Variants in GNA14 observed in about 807,000 individuals in gnomAD.
GNA14 encodes G protein subunit alpha 14.
A neutral mutation model predicts 42.0 loss-of-function variants in GNA14; 50 were observed. The ratio of observed to expected loss-of-function variants is 1.19; its 90% confidence interval spans 0.95 to 1.51. GNA14 has a LOEUF of 1.51. Ranked by LOEUF, GNA14 falls within the 40% of genes most tolerant of loss-of-function variation. The pLI is 0.00. For missense variants in GNA14, 473 were observed against 446.2 expected (o/e 1.06, Z -0.54); for synonymous variants, 173 against 163.1 (o/e 1.06, Z -0.46).
intron 1 of GNA14, among the ~76,000 whole-genome samples, chr9:77,587,719 A>G (rs1454622146): frequency 6.6e-6 from 1 of 152,212 alleles, no homozygotes; most frequent in Non-Finnish European, 1.5e-5. Context: ...GAGTGTTTGC[A>G]TAGTACTGTG....
At chr9:77,594,151 G>A (rs78799145) in intron 1 of GNA14, among the ~76,000 whole-genome samples, 9,688 of 152,280 alleles carry the variant, frequency 0.064, 487 homozygotes, top group South Asian at 0.19. Flanking sequence ...CAGTTACAGG[G>A]ATAAGGAAAT....
Position 77,433,360 on chromosome 9 carries a change from C to T in GNA14, c.464+1008G>A, listed in dbSNP as rs1053279598. On this transcript the variant is annotated intron_variant, in intron 3 of 6. Coordinates refer to ENST00000341700, the MANE Select transcript of GNA14 (RefSeq NM_004297.4). ...TGACCAGACTGAGGAGGCATTGCCC[C>T]GGGATATTATTATTTATTTATTTAT... 2.6e-4 allele frequency among the ~76,000 whole-genome samples: 39 copies of T among 151,898 alleles called. 1 individual carries two copies. The highest frequency in any genetic ancestry group is 2.1e-3 in the Admixed American group (32 of 15,250).
chr9:77,482,903 CA>C (rs1431393167), intron 2 of GNA14, among the ~76,000 whole-genome samples: 1 of 152,232 alleles, frequency 6.6e-6, no homozygotes, highest in Admixed American at 6.5e-5. Flanking sequence ...CTTTCAGCTC[CA>C]TCAGGTCCTT....
intron 1 of GNA14, among the ~76,000 whole-genome samples, chr9:77,592,059 C>T (rs557724484): frequency 3.3e-5 from 5 of 152,034 alleles, no homozygotes; most frequent in South Asian, 2.1e-4. Flanking sequence ...GGACTACAGG[C>T]GCCCACCACC....
chr9:77,529,339 T>TTGGGATGTGGATTAATA, intron 1 of GNA14, 86 bp from the exon 2 acceptor site: 3 of 1,009,006 alleles, frequency 3.0e-6, no homozygotes, highest in Non-Finnish European at 4.7e-6. Flanking sequence ...GCAGTATTAA[T>TTGGGATGTGGATTAATA]CCACATCCCA....
intron 1 of GNA14, among the ~76,000 whole-genome samples, chr9:77,549,943 C>T (rs1460436977): frequency 6.6e-6 from 1 of 152,184 alleles, no homozygotes; most frequent in Non-Finnish European, 1.5e-5. Flanking sequence ...CATGGGCCCT[C>T]CCCAGTCCAT....
chr9:77,567,653 G>A (rs13293415), intron 1 of GNA14, among the ~76,000 whole-genome samples: 3 of 152,132 alleles, frequency 2.0e-5, no homozygotes, highest in Admixed American at 2.0e-4. Context: ...GATCACCTGA[G>A]GTCAGGAGTT....
chr9:77,446,304 A>G (rs1257402569), intron 2 of GNA14, among the ~76,000 whole-genome samples: 1 of 152,248 alleles, frequency 6.6e-6, no homozygotes, highest in Non-Finnish European at 1.5e-5. Flanking sequence ...TAATTCAACA[A>G]AACACCAGCA....
intron 2 of GNA14, among the ~76,000 whole-genome samples, chr9:77,476,517 G>A (rs142640603): frequency 6.6e-6 from 1 of 152,256 alleles, no homozygotes; most frequent in African/African-American, 2.4e-5. Flanking sequence ...AGAAACATTT[G>A]CTGTATAATT....
At chr9:77,569,038 C>T (rs1016897562) in intron 1 of GNA14, among the ~76,000 whole-genome samples, 1 of 152,120 alleles carries the variant, frequency 6.6e-6, no homozygotes, top group African/African-American at 2.4e-5. Context: ...TTCTATTTAG[C>T]CCAGCTTTGA....
intron 1 of GNA14, among the ~76,000 whole-genome samples, chr9:77,557,297 GT>G (rs1216289420): frequency 6.6e-6 from 1 of 152,218 alleles, no homozygotes; most frequent in Non-Finnish European, 1.5e-5. Flanking sequence ...AGCTGACTCC[GT>G]GAGGCTATGG....
In GNA14 at chr9:77,434,307, T is replaced by C. The variant is rs369779173; in HGVS notation, c.464+61A>G. ...AGCAGCGTTCAGCGAGAAACTTCTT[T>C]GAAGTGTGGCCGAGCTTGCCTGAAA... On this transcript the variant is annotated intron_variant, in intron 3 of 6. Coordinates refer to ENST00000341700, the MANE Select transcript of GNA14 (RefSeq NM_004297.4). 892 of 1,494,622 alleles carry C rather than the reference T, an allele frequency of 6.0e-4. 6 individuals are homozygous for C. In the African/African-American group the frequency reaches 0.01, roughly 18 times the overall value. The allele number at this position is 1,494,622 out of a possible 1,614,324, so 92.6% of individuals were successfully genotyped here.
chr9:77,453,864 C>T (rs538221304), intron 2 of GNA14, among the ~76,000 whole-genome samples: 2 of 152,288 alleles, frequency 1.3e-5, no homozygotes, highest in African/African-American at 4.8e-5. Context: ...ACACTACTTG[C>T]CAAATACATA....
chr9:77,519,525 A>G (rs1414765071), intron 2 of GNA14, among the ~76,000 whole-genome samples: 2 of 152,182 alleles, frequency 1.3e-5, no homozygotes, highest in Admixed American at 1.3e-4. Context: ...CCCTACCACC[A>G]ATTTTTTTTA....
chr9:77,436,476 G>T (rs1835640181), intron 2 of GNA14, among the ~76,000 whole-genome samples: 1 of 152,166 alleles, frequency 6.6e-6, no homozygotes, highest in Non-Finnish European at 1.5e-5. Flanking sequence ...CACATCAGTA[G>T]CCTCTAAACC....
At chr9:77,491,281 A>G (rs963990247) in intron 2 of GNA14, among the ~76,000 whole-genome samples, 10 of 152,272 alleles carry the variant, frequency 6.6e-5, no homozygotes, top group African/African-American at 2.2e-4. Context: ...AAATCCACTG[A>G]TAAAATTAAG....
intron 2 of GNA14, among the ~76,000 whole-genome samples, chr9:77,457,496 G>A (rs759127214): frequency 1.1e-4 from 16 of 152,178 alleles, no homozygotes; most frequent in Non-Finnish European, 1.8e-4. Flanking sequence ...TACTCCATCA[G>A]TGTCTTATAG....
intron 2 of GNA14, among the ~76,000 whole-genome samples, chr9:77,504,679 T>C: frequency 7.0e-6 from 1 of 143,686 alleles, no homozygotes; most frequent in Non-Finnish European, 1.5e-5. Flanking sequence ...TTTTTTTTTT[T>C]TTTTTGGAGA....
intron 1 of GNA14, among the ~76,000 whole-genome samples, chr9:77,582,287 T>C (rs936086239): frequency 3.2e-4 from 49 of 152,330 alleles, no homozygotes; most frequent in African/African-American, 1.2e-3. Flanking sequence ...ACAACTTCAG[T>C]GGGCCCTCAG....
Sources: gnomAD v4.1 joint callset for allele counts (sites outside exome capture counted in the v4.1 genomes callset) on GRCh38, gnomAD v4.1.1 for gene constraint, MANE v1.5 for transcripts, NCBI Gene and HGNC (gene_info 2026-07-23, HGNC 2026-07-21) for gene names.